Variants in PTPRT observed in about 807,000 individuals in gnomAD.
PTPRT encodes protein tyrosine phosphatase receptor type T, also known as receptor-type tyrosine-protein phosphatase T.
In PTPRT, 56 loss-of-function variants were observed where a neutral mutation model predicts 176.8. The ratio of observed to expected loss-of-function variants is 0.32; its 90% CI spans 0.26 to 0.40. PTPRT has a LOEUF of 0.40. Among genes scored for constraint, PTPRT ranks in the 10% least tolerant of loss-of-function variants. The probability of loss-of-function intolerance (pLI) is 1.00; values close to 1 mark genes in which losing one functional copy is unlikely to be tolerated. For missense variants in PTPRT, 1,540 were observed against 1,908.2 expected, an observed-to-expected ratio of 0.81 and a Z score of 3.60; for synonymous variants, 783 against 739.0, an observed-to-expected ratio of 1.06 and a Z score of -0.96.
chr20:42,440,757 G>T (rs758160746), intron 9 of PTPRT, among the ~76,000 whole-genome samples: 1 of 152,208 alleles, frequency 6.6e-6, no homozygotes, highest in Non-Finnish European at 1.5e-5. Context: ...GATTACAGGC[G>T]TGAGCCACCA....
intron 9 of PTPRT, among the ~76,000 whole-genome samples, chr20:42,410,652 C>T (rs1289520886): frequency 2.0e-5 from 3 of 151,910 alleles, no homozygotes; most frequent in Non-Finnish European, 4.4e-5. Context: ...GCAAATTCAC[C>T]GAGATAGACC....
intron 6 of PTPRT, among the ~76,000 whole-genome samples, chr20:42,683,955 G>A (rs1002115083): frequency 4.6e-5 from 7 of 152,154 alleles, no homozygotes; most frequent in South Asian, 2.1e-4. Flanking sequence ...GTGAGCAATC[G>A]GCAGTAGCCC....
In PTPRT at chr20:43,189,528, G is replaced by T; in HGVS notation, c.88+118C>A. 1 of 591,722 alleles carries T rather than the reference G, an allele frequency of 1.7e-6. No homozygotes were observed. The highest frequency in any genetic ancestry group is 2.3e-6 in the Non-Finnish European group (1 of 425,804). The allele number at this position is 591,722 out of a possible 1,614,324, so 36.7% of individuals were successfully genotyped here. ...AAGCTGAGACCCGGGTTCCGGCCATGGGGACCCGCGCCCCCGCGAGCCCAC... is the reference window on the plus strand; with the variant it reads ...AAGCTGAGACCCGGGTTCCGGCCATTGGGACCCGCGCCCCCGCGAGCCCAC... On this transcript the variant is annotated intron_variant, in intron 1 of 30. Transcript: ENST00000373187. This position sits in a 1 kb window ranked among gnomAD's most constrained non-coding sequence, Gnocchi z 5.0.
rs1983155966 is a variant in PTPRT, at chr20:42,079,986, A to G, written c.*893T>C. On this transcript the variant is annotated 3_prime_UTR_variant, in exon 31 of 31. Coordinates refer to ENST00000373187, the MANE Select transcript of PTPRT (RefSeq NM_007050.6). ...ACCCTCCAAAAGAAAGTTTCTTTTCACATACACTTTGGAAAATAATCAAAT... is the reference window on the plus strand; with the variant it reads ...ACCCTCCAAAAGAAAGTTTCTTTTCGCATACACTTTGGAAAATAATCAAAT... 1 of 232,508 alleles carries G rather than the reference A, an allele frequency of 4.3e-6. No individual in the cohort carries two copies. The highest frequency in any genetic ancestry group is 5.6e-5 in the Admixed American group (1 of 17,766). 14.4% of individuals were successfully genotyped at this position (232,508 alleles called of 1,614,324 possible).
At chr20:43,083,238 A>G (rs2011487495) in intron 1 of PTPRT, among the ~76,000 whole-genome samples, 1 of 148,064 alleles carries the variant, frequency 6.8e-6, no homozygotes, top group South Asian at 2.1e-4. Context: ...AGTTATTTAG[A>G]ATACTGATTC....
chr20:42,349,689 G>A (rs2058248175), intron 11 of PTPRT, among the ~76,000 whole-genome samples: 1 of 152,202 alleles, frequency 6.6e-6, no homozygotes, highest in African/African-American at 2.4e-5. Context: ...GTTTATGCTT[G>A]ATGAATTGAA....
chr20:42,530,343 C>T (rs1229294901), intron 7 of PTPRT, among the ~76,000 whole-genome samples: 1 of 152,202 alleles, frequency 6.6e-6, no homozygotes, highest in African/African-American at 2.4e-5. Flanking sequence ...ACTGCATGCC[C>T]GCTGCATGCC....
intron 1 of PTPRT, among the ~76,000 whole-genome samples, chr20:43,099,698 T>C (rs1261123079): frequency 1.3e-5 from 2 of 152,202 alleles, no homozygotes; most frequent in Non-Finnish European, 2.9e-5. Context: ...TCTCCATTCT[T>C]GTGCCTCCAA....
intron 29 of PTPRT, among the ~76,000 whole-genome samples, chr20:42,084,038 C>T (rs924452537): frequency 6.6e-6 from 1 of 152,230 alleles, no homozygotes; most frequent in Non-Finnish European, 1.5e-5. Flanking sequence ...CTATTTCATG[C>T]CAAAGCACTA....
At chr20:42,626,085 C>A (rs1208626410) in intron 7 of PTPRT, among the ~76,000 whole-genome samples, 2 of 151,954 alleles carry the variant, frequency 1.3e-5, no homozygotes, top group African/African-American at 2.4e-5. Context: ...AACTATCGAG[C>A]TTTTGTGTTT....
intron 6 of PTPRT, among the ~76,000 whole-genome samples, chr20:42,740,849 G>A (rs2076598481): frequency 6.6e-6 from 1 of 152,172 alleles, no homozygotes; most frequent in African/African-American, 2.4e-5. Flanking sequence ...TTCTTCCTGG[G>A]ATGGCAAGGG....
chr20:42,366,818 G>A (rs1233167396), intron 9 of PTPRT, among the ~76,000 whole-genome samples: 1 of 152,224 alleles, frequency 6.6e-6, no homozygotes, highest in Non-Finnish European at 1.5e-5. Flanking sequence ...CCTAAGCTGG[G>A]GATTGCAGAG....
At chr20:42,355,712 A>C (rs944529763) in intron 9 of PTPRT, among the ~76,000 whole-genome samples, 2 of 152,136 alleles carry the variant, frequency 1.3e-5, no homozygotes, top group East Asian at 1.9e-4. Context: ...ACCCCAGTGC[A>C]CCAGTGGAGA....
At chr20:42,234,891 T>G (rs930420202) in intron 15 of PTPRT, among the ~76,000 whole-genome samples, 1 of 152,228 alleles carries the variant, frequency 6.6e-6, no homozygotes, top group African/African-American at 2.4e-5. Context: ...GGAGGCCTTT[T>G]GCTGGCTCCA....
chr20:43,108,493 ATTG>A (rs1288443770), intron 1 of PTPRT, among the ~76,000 whole-genome samples: 3 of 152,134 alleles, frequency 2.0e-5, no homozygotes, highest in Admixed American at 2.0e-4. Context: ...ATAATAATAC[ATTG>A]TTAAGTCATT....
intron 1 of PTPRT, among the ~76,000 whole-genome samples, chr20:42,970,559 G>A (rs1982569044): frequency 6.6e-6 from 1 of 152,132 alleles, no homozygotes; most frequent in African/African-American, 2.4e-5. Flanking sequence ...GAACATGGGG[G>A]TAATGCTAGC....
intron 27 of PTPRT, among the ~76,000 whole-genome samples, chr20:42,089,476 AT>A (rs1352267615): frequency 2.0e-5 from 3 of 152,174 alleles, no homozygotes; most frequent in Non-Finnish European, 2.9e-5. Flanking sequence ...ATGTGGAATG[AT>A]TTGTCTCTTT....
chr20:42,443,501 A>C (rs192085400), intron 9 of PTPRT, among the ~76,000 whole-genome samples: 8 of 152,242 alleles, frequency 5.3e-5, no homozygotes, highest in African/African-American at 1.9e-4. Flanking sequence ...CTAAAGTGCA[A>C]ATCCCCAAAG....
chr20:42,199,500 C>T (rs117820207), intron 15 of PTPRT, 112 bp from the exon 16 acceptor site: 5 of 1,232,764 alleles, frequency 4.1e-6, no homozygotes, highest in Admixed American at 4.6e-5. Flanking sequence ...AAATCTGGTT[C>T]ATTCTCCAGA....
Sources: allele counts gnomAD v4.1 joint callset (sites outside exome capture counted in the v4.1 genomes callset), GRCh38; gene constraint gnomAD v4.1.1; non-coding constraint Gnocchi (gnomAD v3.1); transcripts MANE v1.5; gene names NCBI Gene and HGNC (gene_info 2026-07-23, HGNC 2026-07-21).